AGBL1: variants seen among roughly 807,000 people sequenced by gnomAD.
AGBL1 encodes cytosolic carboxypeptidase 4.
Under a neutral mutation model 118.9 loss-of-function variants are expected in AGBL1, and 130 were observed. The ratio of observed to expected loss-of-function variants is 1.09; its 90% CI spans 0.95 to 1.26. The LOEUF is 1.26. AGBL1 is among the 50% of genes most tolerant of loss of function. AGBL1 has a pLI of 0.00. For missense variants in AGBL1, 1,584 were observed against 1,298.1 expected (o/e 1.22, Z -3.38); for synonymous variants, 555 against 478.9 (o/e 1.16, Z -2.08).
chr15:86,190,153 A>T (rs2077696357), intron 5 of AGBL1, among the ~76,000 whole-genome samples: 1 of 152,192 alleles, frequency 6.6e-6, no homozygotes, highest in Non-Finnish European at 1.5e-5. Flanking sequence ...TCTCTTTTTT[A>T]AAAGTATTAT....
At chr15:86,979,525 G>T (rs909296418) in intron 23 of AGBL1, among the ~76,000 whole-genome samples, 1 of 151,392 alleles carries the variant, frequency 6.6e-6, no homozygotes, top group Non-Finnish European at 1.5e-5. Flanking sequence ...GTCTCCCTCT[G>T]TTGCCCAGGC....
At chr15:86,258,617 C>T (rs985468398) in intron 9 of AGBL1, among the ~76,000 whole-genome samples, 1 of 152,130 alleles carries the variant, frequency 6.6e-6, no homozygotes, top group African/African-American at 2.4e-5. Context: ...CTTTGTGGAC[C>T]ATACAGTCTT....
intron 22 of AGBL1, among the ~76,000 whole-genome samples, chr15:86,708,387 G>C (rs748491485): frequency 2.0e-5 from 3 of 152,058 alleles, no homozygotes; most frequent in Admixed American, 2.0e-4. Flanking sequence ...CAGTGAGAAG[G>C]TGGCCATCTG....
intron 17 of AGBL1, among the ~76,000 whole-genome samples, chr15:86,395,093 A>G (rs931430938): frequency 6.6e-6 from 1 of 152,152 alleles, no homozygotes; most frequent in African/African-American, 2.4e-5. Context: ...GTTACTTATC[A>G]CAGGATATCA....
At chr15:86,467,506 C>T (rs951897008) in intron 18 of AGBL1, among the ~76,000 whole-genome samples, 1 of 152,206 alleles carries the variant, frequency 6.6e-6, no homozygotes, top group African/African-American at 2.4e-5. Flanking sequence ...GCATTCCAGG[C>T]CCCACTGGGG....
intron 22 of AGBL1, among the ~76,000 whole-genome samples, chr15:86,746,415 A>G (rs947521566): frequency 6.6e-6 from 1 of 152,022 alleles, no homozygotes; most frequent in African/African-American, 2.4e-5. Context: ...CTCAGTATAA[A>G]CATCACTTCA....
intron 21 of AGBL1, among the ~76,000 whole-genome samples, chr15:86,633,875 AATG>A (rs1382620576): frequency 0.051 from 770 of 15,126 alleles, 26 homozygotes; most frequent in East Asian, 0.23. Context: ...GTATATATAT[AATG>A]TATATATATA....
At chr15:86,717,702 G>C (rs200200177) in intron 22 of AGBL1, among the ~76,000 whole-genome samples, 1 of 64,472 alleles carries the variant, frequency 1.6e-5, no homozygotes, top group African/African-American at 3.8e-5. Flanking sequence ...AGGGATCTTT[G>C]TTTTTTGCCC....
chr15:86,855,753 G>C (rs556493961), intron 22 of AGBL1, among the ~76,000 whole-genome samples: 18 of 152,320 alleles, frequency 1.2e-4, no homozygotes, highest in African/African-American at 4.3e-4. Flanking sequence ...TGTGCTCGCA[G>C]TCTGTGTTTC....
At chr15:86,851,576 TC>T (rs1372888367) in intron 22 of AGBL1, among the ~76,000 whole-genome samples, 1 of 152,176 alleles carries the variant, frequency 6.6e-6, no homozygotes, top group East Asian at 1.9e-4. Flanking sequence ...AGCAAGTTTT[TC>T]CAATAAAATC....
intron 22 of AGBL1, among the ~76,000 whole-genome samples, chr15:86,719,820 G>T (rs2086690044): frequency 6.6e-6 from 1 of 152,216 alleles, no homozygotes; most frequent in Non-Finnish European, 1.5e-5. Context: ...CTGTTAGATG[G>T]AAATACCCGT....
chr15:86,203,503 T>G (rs2077940717), intron 5 of AGBL1, among the ~76,000 whole-genome samples: 1 of 152,190 alleles, frequency 6.6e-6, no homozygotes, highest in Non-Finnish European at 1.5e-5. Flanking sequence ...AACTGTGGTG[T>G]TTCAGATGAG....
chr15:86,232,849 A>G (rs1173193488), intron 6 of AGBL1, among the ~76,000 whole-genome samples: 2 of 152,148 alleles, frequency 1.3e-5, no homozygotes, highest in Non-Finnish European at 2.9e-5. Flanking sequence ...GTGTCATAGT[A>G]TATTTTGTGA....
At chr15:86,301,172 G>A (rs1380582760) in intron 17 of AGBL1, among the ~76,000 whole-genome samples, 5 of 152,128 alleles carry the variant, frequency 3.3e-5, no homozygotes, top group Admixed American at 2.6e-4. Context: ...TCTCACTCTG[G>A]ACATTTCTGT....
chr15:86,827,108 A>G (rs1198618765), intron 22 of AGBL1, among the ~76,000 whole-genome samples: 3 of 150,414 alleles, frequency 2.0e-5, no homozygotes. Flanking sequence ...TAGGATTACT[A>G]TGTATGAGGA....
At chr15:86,443,242 T>C (rs1755982572) in intron 18 of AGBL1, among the ~76,000 whole-genome samples, 1 of 152,216 alleles carries the variant, frequency 6.6e-6, no homozygotes, top group Non-Finnish European at 1.5e-5. Flanking sequence ...GTACAGTTTG[T>C]GCTCTTAGTT....
chr15:86,406,566 C>A (rs1387357002), intron 18 of AGBL1, among the ~76,000 whole-genome samples: 3 of 152,106 alleles, frequency 2.0e-5, no homozygotes, highest in East Asian at 1.9e-4. Flanking sequence ...ACATTATAAT[C>A]TATTATAATT....
chr15:86,175,280 A>G (rs1420038087), intron 5 of AGBL1, among the ~76,000 whole-genome samples: 1 of 151,896 alleles, frequency 6.6e-6, no homozygotes, highest in African/African-American at 2.4e-5. Flanking sequence ...ATTTTCCTCT[A>G]GGTTTTCTGA....
At chr15:86,942,746 T>C (rs574135206) in intron 23 of AGBL1, among the ~76,000 whole-genome samples, 1 of 152,354 alleles carries the variant, frequency 6.6e-6, no homozygotes, top group Admixed American at 6.5e-5. Context: ...AGTCGGCTTT[T>C]CTAACCCTGC....
Sources: gnomAD v4.1 joint callset for allele counts (sites outside exome capture counted in the v4.1 genomes callset) on GRCh38, gnomAD v4.1.1 for gene constraint, MANE v1.5 for transcripts, NCBI Gene and HGNC (gene_info 2026-07-23, HGNC 2026-07-21) for gene names.